RASSF3: variants seen among roughly 807,000 people sequenced by gnomAD.
RASSF3 encodes Ras association domain family member 3.
Under a neutral mutation model 19.9 loss-of-function variants are expected in RASSF3, and 19 were observed. The ratio of observed to expected loss-of-function variants is 0.96; its 90% CI spans 0.67 to 1.40. RASSF3 has a LOEUF of 1.40. Ranked by LOEUF, RASSF3 falls within the 40% of genes most tolerant of loss-of-function variation. The pLI is 0.00. For synonymous variants in RASSF3, 110 were observed against 104.2 expected, an observed-to-expected ratio of 1.06 and a Z score of -0.34; for missense variants, 306 against 289.8, an observed-to-expected ratio of 1.06 and a Z score of -0.41.
intron 1 of RASSF3, among the ~76,000 whole-genome samples, chr12:64,667,452 A>G (rs892637422): frequency 1.5e-4 from 23 of 152,228 alleles, no homozygotes; most frequent in Non-Finnish European, 2.6e-4. Flanking sequence ...TCAGCCTCCC[A>G]AAGTACTGGG....
At chr12:64,649,396 G>A (rs1278465079) in intron 1 of RASSF3, among the ~76,000 whole-genome samples, 1 of 152,064 alleles carries the variant, frequency 6.6e-6, no homozygotes, top group Non-Finnish European at 1.5e-5. Flanking sequence ...GTTTCACCGT[G>A]TTAGCCAGGA....
chr12:64,513,048 C>T (rs1260683466), intron 1 of RASSF3, among the ~76,000 whole-genome samples: 1 of 151,972 alleles, frequency 6.6e-6, no homozygotes, highest in Non-Finnish European at 1.5e-5. Flanking sequence ...GAAGCTCTCC[C>T]GAAGCAAATT....
At chr12:64,660,120 G>A (rs1872305355) in intron 1 of RASSF3, among the ~76,000 whole-genome samples, 1 of 151,618 alleles carries the variant, frequency 6.6e-6, no homozygotes, top group African/African-American at 2.4e-5. Context: ...CACGCACTAT[G>A]TTGCCCAGGC....
intron 2 of RASSF3, among the ~76,000 whole-genome samples, chr12:64,602,653 C>G (rs1870112960): frequency 6.6e-6 from 1 of 151,638 alleles, no homozygotes; most frequent in South Asian, 2.1e-4. Flanking sequence ...TCTGTAGTCC[C>G]AGCTATACAC....
chr12:64,675,051 C>CA (rs1872839198), intron 1 of RASSF3, among the ~76,000 whole-genome samples: 1 of 118,166 alleles, frequency 8.5e-6, no homozygotes, highest in Non-Finnish European at 1.8e-5. Context: ...CCTAGCCCCC[C>CA]CCCCCCCCGC....
At chr12:64,521,492 AAAACT>A (rs747722328) in intron 1 of RASSF3, among the ~76,000 whole-genome samples, 1 of 152,256 alleles carries the variant, frequency 6.6e-6, no homozygotes, top group Non-Finnish European at 1.5e-5. Context: ...TCCCTGGGCC[AAAACT>A]AAAGTCAGAG....
chr12:64,563,806 A>C (rs1869385927), intron 2 of RASSF3, among the ~76,000 whole-genome samples: 1 of 152,190 alleles, frequency 6.6e-6, no homozygotes, highest in African/African-American at 2.4e-5. Context: ...TTGACCACCC[A>C]AACTAAAGCA....
intron 1 of RASSF3, among the ~76,000 whole-genome samples, chr12:64,684,032 G>A (rs1873240746): frequency 6.6e-6 from 1 of 151,122 alleles, no homozygotes; most frequent in Non-Finnish European, 1.5e-5. Context: ...GTGTGTGTGT[G>A]TGTGTTTCAA....
downstream of RASSF3, among the ~76,000 whole-genome samples, chr12:64,544,711 C>G (rs186546586): frequency 1.3e-5 from 2 of 152,260 alleles, no homozygotes; most frequent in East Asian, 3.9e-4. Flanking sequence ...ACAGGCATGT[C>G]TGGATAGAAT....
At chr12:64,558,903 C>T (rs1298420076) in intron 2 of RASSF3, among the ~76,000 whole-genome samples, 1 of 152,112 alleles carries the variant, frequency 6.6e-6, no homozygotes, top group Non-Finnish European at 1.5e-5. Context: ...TTTCTAGTGT[C>T]AACATGACGC....
downstream of RASSF3, among the ~76,000 whole-genome samples, chr12:64,544,240 C>T (rs1869011287): frequency 6.6e-6 from 1 of 152,050 alleles, no homozygotes; most frequent in Non-Finnish European, 1.5e-5. Flanking sequence ...CACGAACCCA[C>T]CGGGAGGAAT....
intron 2 of RASSF3, among the ~76,000 whole-genome samples, chr12:64,599,837 C>A (rs1180750487): frequency 1.3e-5 from 2 of 151,792 alleles, no homozygotes; most frequent in Middle Eastern, 3.2e-3. Flanking sequence ...TCGAGACCAT[C>A]CTGGCTAACA....
chr12:64,687,640 T>C (rs1324054208), intron 2 of RASSF3, among the ~76,000 whole-genome samples: 1 of 152,254 alleles, frequency 6.6e-6, no homozygotes, highest in Middle Eastern at 3.4e-3. Flanking sequence ...CTGTATGGCA[T>C]ATATGCTGCA....
At chr12:64,635,513 T>C (rs1365862793) in intron 1 of RASSF3, among the ~76,000 whole-genome samples, 1 of 152,210 alleles carries the variant, frequency 6.6e-6, no homozygotes, top group African/African-American at 2.4e-5. Context: ...TTGATAAGGA[T>C]GGCTCACATT....
chr12:64,588,589 T>G (rs914087605), intron 2 of RASSF3, among the ~76,000 whole-genome samples: 1 of 152,008 alleles, frequency 6.6e-6, no homozygotes, highest in African/African-American at 2.4e-5. Flanking sequence ...TATTAAAAAT[T>G]CATTAAATGT....
At chr12:64,576,070 G>T (rs931986372) in intron 2 of RASSF3, among the ~76,000 whole-genome samples, 6 of 151,962 alleles carry the variant, frequency 3.9e-5, no homozygotes, top group Admixed American at 6.6e-5. Context: ...TATATTTTTA[G>T]TAGAGACAGG....
intron 1 of RASSF3, among the ~76,000 whole-genome samples, chr12:64,508,357 A>G (rs1024410978): frequency 2.6e-5 from 4 of 151,700 alleles, no homozygotes; most frequent in African/African-American, 9.7e-5. Context: ...TGTACTAAAA[A>G]TACAAAAAAA....
At chr12:64,605,349 ACC>A (rs1256686446) in intron 2 of RASSF3, among the ~76,000 whole-genome samples, 1 of 146,164 alleles carries the variant, frequency 6.8e-6, no homozygotes, top group Non-Finnish European at 1.5e-5. Context: ...CAATTTAAAT[ACC>A]TCTGCTATGG....
intron 1 of RASSF3, among the ~76,000 whole-genome samples, chr12:64,669,625 G>A (rs1254699950): frequency 6.6e-6 from 1 of 151,692 alleles, no homozygotes; most frequent in Non-Finnish European, 1.5e-5. Context: ...ACTTTAGCAC[G>A]TTTCCAGTCC....
Sources: allele counts gnomAD v4.1 joint callset (sites outside exome capture counted in the v4.1 genomes callset), GRCh38; gene constraint gnomAD v4.1.1; transcripts MANE v1.5; gene names NCBI Gene and HGNC (gene_info 2026-07-23, HGNC 2026-07-21).